Variants in ST6GALNAC3 observed in about 807,000 individuals in gnomAD.
ST6GALNAC3 encodes alpha-N-acetylgalactosaminide alpha-2,6-sialyltransferase 3.
In ST6GALNAC3, 25 loss-of-function variants were observed where a neutral mutation model predicts 32.7. The ratio of observed to expected loss-of-function variants is 0.76; its 90% CI spans 0.56 to 1.07. ST6GALNAC3 has a LOEUF of 1.07. Ranked by LOEUF, ST6GALNAC3 falls within the 50% of genes least tolerant of loss-of-function variation. ST6GALNAC3 has a pLI of 0.00. For missense variants in ST6GALNAC3, 355 were observed against 382.4 expected (o/e 0.93, Z 0.60); for synonymous variants, 129 against 133.1 (o/e 0.97, Z 0.21).
At chr1:76,446,720 A>G (rs1170358140) in intron 3 of ST6GALNAC3, among the ~76,000 whole-genome samples, 1 of 152,210 alleles carries the variant, frequency 6.6e-6, no homozygotes, top group East Asian at 1.9e-4. Context: ...AAGTCTCATG[A>G]GATCTGATGG....
At chr1:76,599,660 C>G (rs552148703) in intron 3 of ST6GALNAC3, among the ~76,000 whole-genome samples, 1 of 151,460 alleles carries the variant, frequency 6.6e-6, no homozygotes, top group African/African-American at 2.4e-5. Context: ...CCTGGAATAT[C>G]CAAGTAATTC....
At chr1:76,156,820 C>T (rs962329267) in intron 1 of ST6GALNAC3, among the ~76,000 whole-genome samples, 1 of 152,230 alleles carries the variant, frequency 6.6e-6, no homozygotes, top group Non-Finnish European at 1.5e-5. Flanking sequence ...CAAGCTCCGC[C>T]TCCCGGGTTC....
intron 3 of ST6GALNAC3, among the ~76,000 whole-genome samples, chr1:76,476,655 T>C (rs1432354144): frequency 2.6e-5 from 4 of 152,190 alleles, no homozygotes; most frequent in Non-Finnish European, 5.9e-5. Flanking sequence ...TTCTGAACCA[T>C]ATCCTTGTGC....
intron 1 of ST6GALNAC3, among the ~76,000 whole-genome samples, chr1:76,096,897 C>T (rs915852656): frequency 1.3e-5 from 2 of 148,304 alleles, no homozygotes; most frequent in Non-Finnish European, 3.0e-5. Flanking sequence ...TTTTGAATTT[C>T]ATGTAGAGGA....
At chr1:76,624,867 C>G (rs1262955856) in intron 3 of ST6GALNAC3, among the ~76,000 whole-genome samples, 3 of 151,902 alleles carry the variant, frequency 2.0e-5, no homozygotes, top group Admixed American at 1.3e-4. Flanking sequence ...TAGTGTCATG[C>G]CCATCACACA....
At chr1:76,176,500 C>T (rs571183323) in intron 1 of ST6GALNAC3, among the ~76,000 whole-genome samples, 10 of 152,206 alleles carry the variant, frequency 6.6e-5, no homozygotes, top group South Asian at 2.1e-4. Flanking sequence ...GAAACTGATT[C>T]GGAGACTCAG....
At chr1:76,319,942 A>G (rs1213160122) in intron 2 of ST6GALNAC3, among the ~76,000 whole-genome samples, 1 of 152,140 alleles carries the variant, frequency 6.6e-6, no homozygotes, top group African/African-American at 2.4e-5. Flanking sequence ...ATAATTTATC[A>G]TTTTTCTCAA....
intron 2 of ST6GALNAC3, among the ~76,000 whole-genome samples, chr1:76,321,241 G>A (rs1000437852): frequency 3.3e-5 from 5 of 152,058 alleles, no homozygotes; most frequent in Non-Finnish European, 5.9e-5. Flanking sequence ...CCTTTTCTCT[G>A]GTGGTAAAGC....
chr1:76,424,582 C>G (rs1456599524), intron 3 of ST6GALNAC3, among the ~76,000 whole-genome samples: 1 of 151,688 alleles, frequency 6.6e-6, no homozygotes, highest in Non-Finnish European at 1.5e-5. Flanking sequence ...AAGGTGCTGG[C>G]AATTGTTGAG....
chr1:76,335,968 C>T (rs1202616686), intron 2 of ST6GALNAC3, among the ~76,000 whole-genome samples: 5 of 152,150 alleles, frequency 3.3e-5, no homozygotes, highest in Non-Finnish European at 7.3e-5. Flanking sequence ...GCTCAGCTAG[C>T]AGTGCCACAG....
chr1:76,296,882 A>T (rs1382056108), intron 1 of ST6GALNAC3, among the ~76,000 whole-genome samples: 2 of 152,078 alleles, frequency 1.3e-5, no homozygotes, highest in Non-Finnish European at 2.9e-5. Context: ...TATATCTTGT[A>T]TGGTGCAGTT....
intron 1 of ST6GALNAC3, among the ~76,000 whole-genome samples, chr1:76,140,891 G>C (rs915786565): frequency 6.7e-6 from 1 of 150,198 alleles, no homozygotes; most frequent in African/African-American, 2.5e-5. Context: ...TCCCACCCAG[G>C]CTTCCAAAGT....
chr1:76,565,771 C>T (rs4604739), intron 3 of ST6GALNAC3, among the ~76,000 whole-genome samples: 2,123 of 152,298 alleles, frequency 0.014, 50 homozygotes, highest in African/African-American at 0.049. Flanking sequence ...CACTCTCCCC[C>T]TGCCGCTGCA....
At chr1:76,280,140 G>T (rs2065794) in intron 1 of ST6GALNAC3, among the ~76,000 whole-genome samples, 19,519 of 151,602 alleles carry the variant, frequency 0.13, 1,867 homozygotes, top group East Asian at 0.31. Context: ...TCCCTGTTCT[G>T]TCCTCTCTTC....
intron 3 of ST6GALNAC3, among the ~76,000 whole-genome samples, chr1:76,614,612 G>C (rs1376467171): frequency 6.6e-6 from 1 of 150,954 alleles, no homozygotes; most frequent in African/African-American, 2.4e-5. Context: ...CCAGCTACTC[G>C]GCAGGCTGAG....
chr1:76,635,542 A>G (rs1649483280), downstream of ST6GALNAC3, among the ~76,000 whole-genome samples: 1 of 152,162 alleles, frequency 6.6e-6, no homozygotes, highest in South Asian at 2.1e-4. Flanking sequence ...ACGAAATGAG[A>G]TTGGAACCAA....
intron 3 of ST6GALNAC3, among the ~76,000 whole-genome samples, chr1:76,448,716 G>T (rs1348151959): frequency 6.6e-6 from 1 of 152,080 alleles, no homozygotes; most frequent in Non-Finnish European, 1.5e-5. Context: ...CTCTCTTTTT[G>T]CCTGCCACCA....
intron 3 of ST6GALNAC3, among the ~76,000 whole-genome samples, chr1:76,452,814 C>T (rs1221606541): frequency 6.6e-6 from 1 of 152,112 alleles, no homozygotes; most frequent in Non-Finnish European, 1.5e-5. Context: ...AGGGAGGATT[C>T]TCTCTTTCTC....
rs185362700 is a variant in ST6GALNAC3, at chr1:76,545,678, C to T, written c.624-81774C>T. 1.1e-3 allele frequency among the ~76,000 whole-genome samples: 158 copies of T among 143,536 alleles called. 1 individual carries two copies. Among genetic ancestry groups the T allele is most frequent in the African/African-American group, 3.6e-3 (139 of 38,680 alleles). The allele number at this position is 143,536 out of a possible 152,430, so 94.2% of individuals were successfully genotyped here. Reference sequence around the variant, plus strand: ...GAAACTTTTTTTTTTTTTTTTGAGACGGAGTTTCACTCTTGTTGCCCAGGC... The same window carrying T: ...GAAACTTTTTTTTTTTTTTTTGAGATGGAGTTTCACTCTTGTTGCCCAGGC... On this transcript the variant is annotated intron_variant, in intron 3 of 4. Transcript: ENST00000328299.
Sources: gnomAD v4.1 joint callset for allele counts (sites outside exome capture counted in the v4.1 genomes callset) on GRCh38, gnomAD v4.1.1 for gene constraint, MANE v1.5 for transcripts, NCBI Gene and HGNC (gene_info 2026-07-23, HGNC 2026-07-21) for gene names.